Variants in CABP1 observed in about 807,000 individuals in gnomAD.
CABP1 encodes the protein calcium binding protein 1, also known as calcium-binding protein 1.
CABP1 carries 17 observed loss-of-function variants against 34.3 expected under a neutral mutation model. The observed-to-expected ratio is 0.50, with a 90% CI of 0.34 to 0.74. The LOEUF is 0.74. CABP1 is among the 30% of genes least tolerant of loss of function. CABP1 has a pLI of 0.01. For missense variants in CABP1, 373 were observed against 511.1 expected (o/e 0.73, Z 2.61); for synonymous variants, 198 against 229.2 (o/e 0.86, Z 1.23).
chr12:120,676,761 C>T, the CABP1 span, among the ~76,000 whole-genome samples: 1 of 152,082 alleles, frequency 6.6e-6, no homozygotes, highest in African/African-American at 2.4e-5. Flanking sequence ...GTACTTTAGT[C>T]CTTTTTATTC....
At chr12:120,650,652 C>T (rs1240169142) in intron 1 of CABP1, 1 of 1,614,078 alleles carries the variant, frequency 6.2e-7, no homozygotes, top group South Asian at 1.1e-5. Flanking sequence ...GCAACTGTGT[C>T]AAGTATCCAC....
In CABP1 at chr12:120,667,200, G is replaced by A. The variant is rs539696796; in HGVS notation, c.*300G>A. 1.9e-6 allele frequency: 1 copy of A among 538,348 alleles called. No individual in the cohort carries two copies. The highest frequency in any genetic ancestry group is 2.2e-5 in the South Asian group (1 of 45,296). 33.3% of individuals were successfully genotyped at this position (538,348 alleles called of 1,614,324 possible). A position where few individuals can be genotyped will look rare whatever the true frequency, so the allele number is the denominator to read the frequency against. On this transcript the variant is annotated 3_prime_UTR_variant, in exon 6 of 6. Coordinates refer to ENST00000316803, the MANE Select transcript of CABP1 (RefSeq NM_001033677.2). ...TGCTGCTGGCTGGGTGGGCCAGGGA[G>A]CCCGCCAGCAGACCCCACACAGCAT...
chr12:120,679,283 G>A, the CABP1 span, among the ~76,000 whole-genome samples: 1 of 152,104 alleles, frequency 6.6e-6, no homozygotes, highest in Non-Finnish European at 1.5e-5. Context: ...TTGCTACATA[G>A]CCAGGCTCAA....
At chr12:120,663,990 G>A (rs1880810996) in intron 5 of CABP1, among the ~76,000 whole-genome samples, 1 of 152,228 alleles carries the variant, frequency 6.6e-6, no homozygotes, top group South Asian at 2.1e-4. Flanking sequence ...AAGGCTGGGA[G>A]GTTTTCTCTC....
Position 120,658,480 on chromosome 12 carries a change from C to T in CABP1, c.655-1398C>T, listed in dbSNP as rs116880727. Reference sequence around the variant, plus strand: ...TGGGTGACTCCTACCCCCAGCCTGGCGGAGCTGGGAGCTTGCAGCCTGCTC... The same window carrying T: ...TGGGTGACTCCTACCCCCAGCCTGGTGGAGCTGGGAGCTTGCAGCCTGCTC... On this transcript the variant is annotated intron_variant, in intron 1 of 5. Coordinates refer to ENST00000316803, the MANE Select transcript of CABP1 (RefSeq NM_001033677.2). Among the ~76,000 whole-genome samples the T allele has an allele frequency of 7.7e-4, 117 of 152,224 alleles. No individual in the cohort carries two copies. In the East Asian group the frequency reaches 0.019, roughly 25 times the overall value.
chr12:120,672,727 AC>A, the CABP1 span, among the ~76,000 whole-genome samples: 12 of 128,030 alleles, frequency 9.4e-5, no homozygotes, highest in Non-Finnish European at 1.3e-4. Flanking sequence ...AAAAAAAAAA[AC>A]CACAAAGAAA....
At chr12:120,647,746 T>TA (rs932016346) in intron 1 of CABP1, among the ~76,000 whole-genome samples, 6 of 145,558 alleles carry the variant, frequency 4.1e-5, no homozygotes, top group African/African-American at 1.5e-4. Flanking sequence ...TTTTGTATTT[T>TA]TTTTTTTTTT....
the CABP1 span, among the ~76,000 whole-genome samples, chr12:120,679,449 G>A: frequency 2.0e-5 from 3 of 152,286 alleles, no homozygotes; most frequent in East Asian, 3.9e-4. Context: ...TAAGAGCATC[G>A]GATAAGTAGG....
chr12:120,661,503 C>T lies in CABP1; in HGVS notation c.1087+285C>T, dbSNP rs777856144. The T allele has an allele frequency of 5.9e-6, 2 of 339,008 alleles. No individual in the cohort carries two copies. The highest frequency in any genetic ancestry group is 1.1e-5 in the Non-Finnish European group (2 of 183,718). 21.0% of individuals were successfully genotyped at this position (339,008 alleles called of 1,614,324 possible). A position where few individuals can be genotyped will look rare whatever the true frequency, so the allele number is the denominator to read the frequency against. ...ACCTATCTATCCATCTGTCCACCATCCATCCATCCATCCATTTATCTACCC... is the reference window on the plus strand; with the variant it reads ...ACCTATCTATCCATCTGTCCACCATTCATCCATCCATCCATTTATCTACCC... On this transcript the variant is annotated intron_variant, in intron 5 of 5. Transcript: ENST00000316803. The surrounding 1 kb of genome is among the most constrained non-coding windows in gnomAD (Gnocchi z 5.1).
intron 5 of CABP1, among the ~76,000 whole-genome samples, chr12:120,663,679 C>T (rs1034286981): frequency 2.0e-5 from 3 of 152,222 alleles, no homozygotes; most frequent in Non-Finnish European, 4.4e-5. Context: ...CATATTCTTA[C>T]ATTTAATTCT....
chr12:120,666,906 C>T lies in CABP1; in HGVS notation c.*6C>T, dbSNP rs377660519. On this transcript the variant is annotated 3_prime_UTR_variant, in exon 6 of 6. Coordinates refer to ENST00000316803, the MANE Select transcript of CABP1 (RefSeq NM_001033677.2). Reference sequence around the variant, plus strand: ...TCCGGATGATGTCCCGCTGAGGCCGCGAGGGCCCCTCCAGGACTGCCAAGC... The same window carrying T: ...TCCGGATGATGTCCCGCTGAGGCCGTGAGGGCCCCTCCAGGACTGCCAAGC... The T allele has an allele frequency of 7.5e-6, 12 of 1,603,908 alleles. No homozygotes were observed. Among genetic ancestry groups the T allele is most frequent in the East Asian group, 6.7e-5 (3 of 44,776 alleles).
chr12:120,647,560 CTTT>C (rs10557275), intron 1 of CABP1, among the ~76,000 whole-genome samples: 15 of 75,658 alleles, frequency 2.0e-4, no homozygotes, highest in African/African-American at 6.4e-4. Context: ...CAGTCCAAGC[CTTT>C]TTTTTTTTTT....
intron 1 of CABP1, among the ~76,000 whole-genome samples, chr12:120,645,097 G>A (rs749939468): frequency 9.2e-5 from 14 of 152,216 alleles, no homozygotes; most frequent in African/African-American, 2.4e-4. Context: ...GAGCTACCAC[G>A]CCCGGCCAGT....
At chr12:120,645,262 A>G (rs748568245) in intron 1 of CABP1, among the ~76,000 whole-genome samples, 2 of 152,098 alleles carry the variant, frequency 1.3e-5, no homozygotes, top group Non-Finnish European at 2.9e-5. Context: ...TGGAGCCCCT[A>G]TAGGCTTTCT....
At position 120,641,149 on chromosome 12, in the gene CABP1, G is replaced by C; in HGVS notation, c.464G>C (p.Arg155Pro). ...PREALPAAAS[R>P]PSPSSPLPPA... ...GAGGCGCTGCCGGCCGCGGCGTCCCGACCTTCGCCGTCGTCGCCGCTGCCG... is the reference window on the plus strand; with the variant it reads ...GAGGCGCTGCCGGCCGCGGCGTCCCCACCTTCGCCGTCGTCGCCGCTGCCG... The change falls in exon 1 of 6, where the codon CGA (arginine) becomes CCA (proline). Residue 155 changes from arginine to proline, a missense_variant. Physicochemically the swap from Arg to Pro is moderately radical, Grantham distance 103. Around this residue, in one of 4 missense-constraint regions of CABP1, gnomAD observed 121 missense variants for 125.5 expected, o/e 0.96. Transcript: ENST00000316803. The surrounding 1 kb of genome is among the most constrained non-coding windows in gnomAD (Gnocchi z 6.7). The C allele has an allele frequency of 1.6e-6, 2 of 1,235,564 alleles. No homozygotes were observed. The highest frequency in any genetic ancestry group is 2.0e-6 in the Non-Finnish European group (2 of 991,784). The allele number at this position is 1,235,564 out of a possible 1,614,324, so 76.5% of individuals were successfully genotyped here.
chr12:120,667,547 GGCGTGATCTCA>G (rs2137381490), downstream of CABP1, among the ~76,000 whole-genome samples: 1 of 152,284 alleles, frequency 6.6e-6, no homozygotes, highest in East Asian at 1.9e-4. Context: ...GGAGTGCAGT[GGCGTGATCTCA>G]GCTCACTGTA....
At position 120,660,968 on chromosome 12, in the gene CABP1, G is replaced by A. The variant is rs1880588335; in HGVS notation, c.940-103G>A. ...GGAGCTTGGACAGAGAAAGGTCTCT[G>A]GTAAAGGGGGGCAATGACACTGGAG... On this transcript the variant is annotated intron_variant, in intron 4 of 5. Transcript: ENST00000316803. The surrounding 1 kb of genome is among the most constrained non-coding windows in gnomAD (Gnocchi z 5.0). 1 of 1,443,656 alleles carries A rather than the reference G, an allele frequency of 6.9e-7. No individual in the cohort carries two copies. Among genetic ancestry groups the A allele is most frequent in the East Asian group, 2.3e-5 (1 of 43,934 alleles). The allele number at this position is 1,443,656 out of a possible 1,614,324, so 89.4% of individuals were successfully genotyped here. A position where few individuals can be genotyped will look rare whatever the true frequency, so the allele number is the denominator to read the frequency against.
rs1880517118 is a variant in CABP1, at chr12:120,659,913, A to T, written c.685+5A>T. 2 of 1,613,778 alleles carry T rather than the reference A, an allele frequency of 1.2e-6. No homozygotes were observed. Among genetic ancestry groups the T allele is most frequent in the African/African-American group, 2.7e-5 (2 of 74,904 alleles). On this transcript the variant is annotated splice_donor_5th_base_variant and intron_variant, in intron 2 of 5. Transcript: ENST00000316803. ...TGCGACCAGAGGAAATTGAAGGTAA[A>T]ACTTGGCCCCTTGGGGGAAAGGACT...
chr12:120,680,407 T>C, the CABP1 span, among the ~76,000 whole-genome samples: 1 of 152,182 alleles, frequency 6.6e-6, no homozygotes, highest in African/African-American at 2.4e-5. Flanking sequence ...TTGGTTCCTG[T>C]TACTCTAACG....
Sources: gnomAD v4.1 joint callset for allele counts (sites outside exome capture counted in the v4.1 genomes callset) on GRCh38, gnomAD v4.1.1 for gene constraint, gnomAD v4.1.1 regional missense constraint, Gnocchi (gnomAD v3.1) non-coding constraint, MANE v1.5 for transcripts, NCBI Gene and HGNC (gene_info 2026-07-23, HGNC 2026-07-21) for gene names.